Variants in OPCML observed in about 807,000 individuals in gnomAD.
OPCML encodes opioid-binding protein/cell adhesion molecule.
Under a neutral mutation model 37.8 loss-of-function variants are expected in OPCML, and 13 were observed. The ratio of observed to expected loss-of-function variants is 0.34; its 90% CI spans 0.22 to 0.55. The LOEUF (loss-of-function observed/expected upper bound fraction) is 0.55. Ranked by LOEUF, OPCML falls within the 20% of genes least tolerant of loss-of-function variation. OPCML has a pLI of 0.91. For synonymous variants in OPCML, 176 were observed against 168.8 expected (o/e 1.04, Z -0.33); for missense variants, 341 against 435.6 (o/e 0.78, Z 1.93).
At chr11:133,210,154 T>C (rs1274307339) in intron 1 of OPCML, among the ~76,000 whole-genome samples, 2 of 152,304 alleles carry the variant, frequency 1.3e-5, no homozygotes, top group Middle Eastern at 6.8e-3. Context: ...TCACTCACTA[T>C]TTTTTCATTA....
At chr11:133,086,476 A>G (rs1948820272) in intron 1 of OPCML, among the ~76,000 whole-genome samples, 1 of 152,224 alleles carries the variant, frequency 6.6e-6, no homozygotes, top group South Asian at 2.1e-4. Context: ...GTATTGTCTG[A>G]TAAATGTCCT....
At chr11:133,426,595 G>A (rs56360639) in intron 1 of OPCML, among the ~76,000 whole-genome samples, 14,083 of 152,038 alleles carry the variant, frequency 0.093, 1,874 homozygotes, top group African/African-American at 0.3. Flanking sequence ...CCAGGCCCCC[G>A]ACGCCCACAC....
At chr11:132,847,031 C>T (rs1591694586) in intron 2 of OPCML, among the ~76,000 whole-genome samples, 1 of 152,186 alleles carries the variant, frequency 6.6e-6, no homozygotes, top group South Asian at 2.1e-4. Context: ...AAGCATGAGG[C>T]TATCTGCTGT....
intron 4 of OPCML, among the ~76,000 whole-genome samples, chr11:132,494,964 G>A (rs182748759): frequency 2.6e-5 from 4 of 151,866 alleles, no homozygotes; most frequent in African/African-American, 9.7e-5. Flanking sequence ...AGACCCTACA[G>A]GGAATACATT....
At chr11:132,560,060 T>A (rs775980658) in intron 3 of OPCML, among the ~76,000 whole-genome samples, 6 of 152,226 alleles carry the variant, frequency 3.9e-5, no homozygotes, top group Non-Finnish European at 7.3e-5. Context: ...AAATATAGAT[T>A]TGAATCAATT....
Position 132,636,239 on chromosome 11 carries a change from G to A in OPCML, c.379+20848C>T, listed in dbSNP as rs577601126. Reference sequence around the variant, plus strand: ...CCCTAAAATCCAGATTTAAACAAGCGCCTCTGAAACTTTGCAATGAATAGT... The same window carrying A: ...CCCTAAAATCCAGATTTAAACAAGCACCTCTGAAACTTTGCAATGAATAGT... On this transcript the variant is annotated intron_variant, in intron 3 of 7. Transcript: ENST00000524381. Among the ~76,000 whole-genome samples the A allele has an allele frequency of 1.8e-4, 27 of 152,194 alleles. 1 individual carries two copies. The highest frequency in any genetic ancestry group is 5.1e-4 in the African/African-American group (21 of 41,510).
intron 2 of OPCML, among the ~76,000 whole-genome samples, chr11:132,692,246 A>AC (rs930468439): frequency 1.4e-5 from 2 of 146,730 alleles, no homozygotes; most frequent in African/African-American, 5.0e-5. Flanking sequence ...AAAAAAAAAA[A>AC]TGAGCTGTTG....
At chr11:132,810,913 CT>C (rs1939303921) in intron 2 of OPCML, 1 of 152,186 alleles carries the variant, frequency 6.6e-6, no homozygotes, top group Non-Finnish European at 1.5e-5. Flanking sequence ...AATTTCTTTC[CT>C]GTTTATAAAG....
At chr11:132,947,417 T>C (rs1945768318) in intron 1 of OPCML, among the ~76,000 whole-genome samples, 1 of 152,210 alleles carries the variant, frequency 6.6e-6, no homozygotes. Flanking sequence ...AGAGGGCCTG[T>C]GTCTATTTCC....
chr11:133,076,141 C>T (rs1301378131), intron 1 of OPCML, among the ~76,000 whole-genome samples: 1 of 151,992 alleles, frequency 6.6e-6, no homozygotes, highest in Non-Finnish European at 1.5e-5. Context: ...TTTTTTCATA[C>T]AATAGGGTGG....
chr11:133,091,539 T>C (rs1021143017), intron 1 of OPCML, among the ~76,000 whole-genome samples: 3 of 152,222 alleles, frequency 2.0e-5, no homozygotes, highest in Admixed American at 2.0e-4. Flanking sequence ...TGAACCAGTG[T>C]GTCCAGGAGG....
chr11:132,682,154 C>T (rs1470525603), intron 2 of OPCML, among the ~76,000 whole-genome samples: 3 of 152,252 alleles, frequency 2.0e-5, no homozygotes, highest in African/African-American at 7.2e-5. Flanking sequence ...ACCCACGCTC[C>T]TGCACCCTCT....
intron 2 of OPCML, among the ~76,000 whole-genome samples, chr11:132,897,267 T>G (rs1786222779): frequency 6.6e-6 from 1 of 152,220 alleles, no homozygotes; most frequent in African/African-American, 2.4e-5. Context: ...ACTACTCTTT[T>G]GAGAGAGCTC....
chr11:133,061,023 G>C (rs1295025462), intron 1 of OPCML, among the ~76,000 whole-genome samples: 1 of 152,198 alleles, frequency 6.6e-6, no homozygotes, highest in Non-Finnish European at 1.5e-5. Flanking sequence ...GTTTTTGTTT[G>C]ATTTTATTTT....
chr11:133,247,057 G>T (rs2136424568), intron 1 of OPCML, among the ~76,000 whole-genome samples: 1 of 152,204 alleles, frequency 6.6e-6, no homozygotes, highest in East Asian at 1.9e-4. Flanking sequence ...TTGAAGAGAT[G>T]AATTTAAAGT....
chr11:132,842,325 C>T (rs1017108950), intron 2 of OPCML, among the ~76,000 whole-genome samples: 9 of 152,270 alleles, frequency 5.9e-5, no homozygotes, highest in African/African-American at 1.4e-4. Flanking sequence ...CTGAGGGTCA[C>T]GCTGATGGAA....
chr11:132,665,241 C>A (rs188008687), intron 2 of OPCML, among the ~76,000 whole-genome samples: 2 of 152,308 alleles, frequency 1.3e-5, no homozygotes, highest in East Asian at 1.9e-4. Flanking sequence ...AACAGCATCA[C>A]CTGAGGCAGA....
intron 2 of OPCML, among the ~76,000 whole-genome samples, chr11:132,697,929 G>C (rs1943655146): frequency 6.7e-6 from 1 of 149,894 alleles, no homozygotes; most frequent in Non-Finnish European, 1.5e-5. Context: ...TACCACACCA[G>C]GTTAATTTTG....
At chr11:133,342,362 G>GTTA (rs1376347248) in intron 1 of OPCML, among the ~76,000 whole-genome samples, 2 of 152,196 alleles carry the variant, frequency 1.3e-5, no homozygotes, top group African/African-American at 2.4e-5. Flanking sequence ...CGCACTCATG[G>GTTA]TTATGCAACG....
Sources: allele counts gnomAD v4.1 joint callset (sites outside exome capture counted in the v4.1 genomes callset), GRCh38; gene constraint gnomAD v4.1.1; transcripts MANE v1.5; gene names NCBI Gene and HGNC (gene_info 2026-07-23, HGNC 2026-07-21).